Variants in INTS3 observed in about 807,000 individuals in gnomAD.
INTS3 encodes integrator complex subunit 3.
Under a neutral mutation model 146.3 loss-of-function variants are expected in INTS3, and 34 were observed. The observed-to-expected ratio is 0.23, with a 90% confidence interval of 0.18 to 0.31. The LOEUF (loss-of-function observed/expected upper bound fraction) is 0.31. Ranked by LOEUF, INTS3 falls within the 10% of genes least tolerant of loss-of-function variation. INTS3 has a pLI of 1.00. For synonymous variants in INTS3, 475 were observed against 494.9 expected (o/e 0.96, Z 0.53); for missense variants, 757 against 1,304.2 (o/e 0.58, Z 6.46).
At chr1:153,748,483 A>G (rs1215715948) in intron 5 of INTS3, 1 of 631,568 alleles carries the variant, frequency 1.6e-6, no homozygotes, top group African/African-American at 1.8e-5. Context: ...TTTCTAGAAA[A>G]ATTCAGAACC....
rs1672069055 is a variant in INTS3, at chr1:153,754,052, C to T, written c.860-590C>T. 3.3e-5 allele frequency among the ~76,000 whole-genome samples: 5 copies of T among 150,950 alleles called. No homozygotes were observed. The South Asian group carries it at 6.3e-4, about 19-fold the overall frequency. ...GTAGGCTCAAGGGAGCCACCTGCCTCGGCCTCCCAAGGTGCTAGGATTACA... is the reference window on the plus strand; with the variant it reads ...GTAGGCTCAAGGGAGCCACCTGCCTTGGCCTCCCAAGGTGCTAGGATTACA... On this transcript the variant is annotated intron_variant, in intron 8 of 29. Coordinates refer to ENST00000318967, the MANE Select transcript of INTS3 (RefSeq NM_023015.5).
In INTS3 at chr1:153,748,827, G is replaced by A. The variant is rs367888165; in HGVS notation, c.584+72G>A. ...TAGGAGTGTGGGTGTGGGAAATGGGGATGAAAGGATTGTGTGGCCCAAGAA... is the reference window on the plus strand; with the variant it reads ...TAGGAGTGTGGGTGTGGGAAATGGGAATGAAAGGATTGTGTGGCCCAAGAA... On this transcript the variant is annotated intron_variant, in intron 6 of 29. Coordinates refer to ENST00000318967, the MANE Select transcript of INTS3 (RefSeq NM_023015.5). 24 of 1,226,444 alleles carry A rather than the reference G, an allele frequency of 2.0e-5. No homozygotes were observed. In the East Asian group the frequency reaches 4.4e-4, roughly 23 times the overall value. 76.0% of individuals were successfully genotyped at this position (1,226,444 alleles called of 1,614,324 possible).
Position 153,768,891 on chromosome 1 carries a change from A to G in INTS3, c.2245-2A>G. 1 of 1,613,106 alleles carries G rather than the reference A, an allele frequency of 6.2e-7. No homozygotes were observed. Among genetic ancestry groups the G allele is most frequent in the Non-Finnish European group, 8.5e-7 (1 of 1,179,190 alleles). On this transcript the variant is annotated splice_acceptor_variant, in intron 21 of 29. Coordinates refer to ENST00000318967, the MANE Select transcript of INTS3 (RefSeq NM_023015.5). LOFTEE classifies it high-confidence loss of function. ...ACTCTTCCCCTCTCTTTTTCCATTT[A>G]GTTTCCAGATGAAACCTTGAGGAGC...
At chr1:153,768,362 T>C (rs1433067732) in intron 21 of INTS3, among the ~76,000 whole-genome samples, 1 of 152,180 alleles carries the variant, frequency 6.6e-6, no homozygotes, top group African/African-American at 2.4e-5. Flanking sequence ...GGAGGAACTG[T>C]GATCTCAGCC....
chr1:153,770,320 G>C lies in INTS3; in HGVS notation c.2503+9G>C. 3 of 1,522,428 alleles carry C rather than the reference G, an allele frequency of 2.0e-6. No individual in the cohort carries two copies. The highest frequency in any genetic ancestry group is 2.7e-6 in the Non-Finnish European group (3 of 1,096,410). The allele number at this position is 1,522,428 out of a possible 1,614,324, so 94.3% of individuals were successfully genotyped here. Reference sequence around the variant, plus strand: ...GCACCTCAAATACAAGGGTGAGTAGGCTTTTGGGTAGGGAGCACATCAGAT... The same window carrying C: ...GCACCTCAAATACAAGGGTGAGTAGCCTTTTGGGTAGGGAGCACATCAGAT... On this transcript the variant is annotated intron_variant, in intron 24 of 29. Transcript: ENST00000318967.
At chr1:153,760,232 CAAAAAAAAAAAAAA>C (rs58951043) in intron 11 of INTS3, 65 bp from the exon 12 acceptor site, 10 of 395,422 alleles carry the variant, frequency 2.5e-5, no homozygotes, top group East Asian at 6.0e-5. Context: ...GACTCTGTTT[CAAAAAAAAAAAAAA>C]AAAAAAAAAA....
chr1:153,728,511 C>A lies in INTS3; in HGVS notation c.-124C>A. 1 of 1,198,096 alleles carries A rather than the reference C, an allele frequency of 8.3e-7. No individual in the cohort carries two copies. The highest frequency in any genetic ancestry group is 1.2e-6 in the Non-Finnish European group (1 of 861,014). 74.2% of individuals were successfully genotyped at this position (1,198,096 alleles called of 1,614,324 possible). On this transcript the variant is annotated 5_prime_UTR_variant, in exon 1 of 30. Transcript: ENST00000318967. ...GAGGGAGGAGTGGAGAGGACAGGGGCCCTTGCTCTCCCCTCCCCAACTTGT... is the reference window on the plus strand; with the variant it reads ...GAGGGAGGAGTGGAGAGGACAGGGGACCTTGCTCTCCCCTCCCCAACTTGT...
At chr1:153,770,034 G>A (rs1672756774) in intron 23 of INTS3, among the ~76,000 whole-genome samples, 164 bp from the exon 24 acceptor site, 1 of 129,768 alleles carries the variant, frequency 7.7e-6, no homozygotes, top group African/African-American at 2.8e-5. Context: ...TCCCTGCTTG[G>A]GGTGCTGGTA....
rs1201556212 is a variant in INTS3 at position 153,773,423 on chromosome 1, G to GT, written c.*156dup. 8 of 723,046 alleles carry GT rather than the reference G, an allele frequency of 1.1e-5. No homozygotes were observed. In the East Asian group the frequency reaches 1.6e-4, roughly 15 times the overall value. The allele number at this position is 723,046 out of a possible 1,614,324, so 44.8% of individuals were successfully genotyped here. On this transcript the variant is annotated 3_prime_UTR_variant, in exon 30 of 30. Coordinates refer to ENST00000318967, the MANE Select transcript of INTS3 (RefSeq NM_023015.5). ...AGGAGGAGCTTTCTCCTCTGGCTGA[G>GT]TTTGAGAAGCTGCCATGCAGCCCCT...
intron 10 of INTS3, among the ~76,000 whole-genome samples, chr1:153,759,155 C>T (rs1341307526): frequency 1.4e-5 from 2 of 147,720 alleles, no homozygotes; most frequent in Non-Finnish European, 3.0e-5. Flanking sequence ...TGAGGTGGTG[C>T]GTGCCTGTAG....
At chr1:153,765,179 G>C (rs1467199405) in intron 20 of INTS3, 116 bp downstream of exon 20, 3 of 1,115,312 alleles carry the variant, frequency 2.7e-6, no homozygotes, top group Non-Finnish European at 3.9e-6. Context: ...TTGTGGGTCT[G>C]TTTGGTTGAG....
chr1:153,750,095 T>C (rs945321283), intron 6 of INTS3, among the ~76,000 whole-genome samples: 1 of 152,240 alleles, frequency 6.6e-6, no homozygotes, highest in African/African-American at 2.4e-5. Context: ...CCTTGGCTAG[T>C]GTATCCATTC....
chr1:153,769,064 C>T (rs1393906663), intron 22 of INTS3, 103 bp downstream of exon 22: 11 of 888,504 alleles, frequency 1.2e-5, no homozygotes, highest in Non-Finnish European at 1.7e-5. Flanking sequence ...GCCCATGCCT[C>T]CCAGGCACCC....
intron 3 of INTS3, among the ~76,000 whole-genome samples, chr1:153,746,028 A>G (rs552770291): frequency 1.3e-5 from 2 of 152,344 alleles, no homozygotes; most frequent in East Asian, 3.9e-4. Flanking sequence ...AGCTATGATC[A>G]TGCCACTGCA....
chr1:153,763,437 A>C (rs561973256), intron 16 of INTS3, 75 bp downstream of exon 16: 1 of 1,523,578 alleles, frequency 6.6e-7, no homozygotes, highest in Non-Finnish European at 9.1e-7. Flanking sequence ...TGGGTATAGC[A>C]GGAGATGGGG....
At chr1:153,738,672 T>C (rs577479916) in intron 1 of INTS3, among the ~76,000 whole-genome samples, 32 of 152,348 alleles carry the variant, frequency 2.1e-4, no homozygotes, top group East Asian at 1.9e-3. Context: ...TTTGAATCTA[T>C]GTAATTATCT....
intron 1 of INTS3, among the ~76,000 whole-genome samples, chr1:153,729,102 C>A (rs1423917353): frequency 1.3e-5 from 2 of 152,186 alleles, no homozygotes; most frequent in African/African-American, 4.8e-5. Context: ...GCTATTTTTA[C>A]TATCAACCCT....
In INTS3 at chr1:153,753,042, TACAC is replaced by T. The variant is rs57778477; in HGVS notation, c.859+659_859+662del. ...ATCGTGCATGCACCCGCTCCCCTCC[TACAC>T]ACACACACACACACACACACACACT... On this transcript the variant is annotated intron_variant, in intron 8 of 29. Coordinates refer to ENST00000318967, the MANE Select transcript of INTS3 (RefSeq NM_023015.5). Among the ~76,000 whole-genome samples, 1,079 of 145,486 alleles carry T rather than the reference TACAC, an allele frequency of 7.4e-3. 29 individuals are homozygous for T. In the East Asian group the frequency reaches 0.091, roughly 12 times the overall value.
rs547981442 is a variant in INTS3, at chr1:153,772,180, C to G, written c.2721-160C>G. Among the ~76,000 whole-genome samples, 16 of 152,318 alleles carry G rather than the reference C, an allele frequency of 1.1e-4. No individual in the cohort carries two copies. Among genetic ancestry groups the G allele is most frequent in the Middle Eastern group, 3.4e-3 (1 of 294 alleles). ...GCCCCTGTGGCCAGGATCCCCTGTT[C>G]TAGGCACACCTTTCTCACCCAACCC... On this transcript the variant is annotated intron_variant, in intron 26 of 29. Transcript: ENST00000318967. This position sits in a 1 kb window ranked among gnomAD's most constrained non-coding sequence, Gnocchi z 4.6.
Sources: gnomAD v4.1 joint callset for allele counts (sites outside exome capture counted in the v4.1 genomes callset) on GRCh38, gnomAD v4.1.1 for gene constraint, Gnocchi (gnomAD v3.1) non-coding constraint, MANE v1.5 for transcripts, NCBI Gene and HGNC (gene_info 2026-07-23, HGNC 2026-07-21) for gene names.